Variants in FAT3 observed in about 807,000 individuals in gnomAD.
FAT3 encodes the protein FAT atypical cadherin 3, also known as protocadherin Fat 3.
Under a neutral mutation model 310.2 loss-of-function variants are expected in FAT3, and 95 were observed. The observed-to-expected ratio is 0.31, with a 90% CI of 0.26 to 0.36. The LOEUF (loss-of-function observed/expected upper bound fraction) is 0.36, where lower values mean the gene tolerates loss of function less well. Among genes scored for constraint, FAT3 ranks in the 10% least tolerant of loss-of-function variants. The pLI, the probability that FAT3 is intolerant of heterozygous loss-of-function variation, is 1.00. For missense variants in FAT3, 5,408 were observed against 5,715.6 expected (o/e 0.95, Z 1.74); for synonymous variants, 2,314 against 2,192.9 (o/e 1.06, Z -1.54).
At chr11:92,294,757 C>T (rs1337345892) in intron 1 of FAT3, among the ~76,000 whole-genome samples, 1 of 151,912 alleles carries the variant, frequency 6.6e-6, no homozygotes, top group African/African-American at 2.4e-5. Context: ...TCACTCCATC[C>T]CTCTTTTTCT....
At chr11:92,406,834 T>A (rs1457171992) in intron 2 of FAT3, 1 of 152,174 alleles carries the variant, frequency 6.6e-6, no homozygotes, top group Admixed American at 6.5e-5. Context: ...CCAAGGTGGA[T>A]CAGATAAAGG....
At chr11:92,725,484 C>A (rs1263717880) in intron 4 of FAT3, among the ~76,000 whole-genome samples, 1 of 152,064 alleles carries the variant, frequency 6.6e-6, no homozygotes, top group Non-Finnish European at 1.5e-5. Context: ...CATCCGCTTT[C>A]TATAAACACA....
At chr11:92,387,573 T>TTGTGAC (rs1469583986) in intron 2 of FAT3, among the ~76,000 whole-genome samples, 1 of 152,106 alleles carries the variant, frequency 6.6e-6, no homozygotes. Flanking sequence ...TAACCAGTGG[T>TTGTGAC]TGTGTCTGTG....
At chr11:92,721,785 C>T (rs1944866751) in intron 4 of FAT3, among the ~76,000 whole-genome samples, 1 of 152,162 alleles carries the variant, frequency 6.6e-6, no homozygotes, top group Non-Finnish European at 1.5e-5. Context: ...ACCTCACAAT[C>T]ATGGCAGAAG....
intron 2 of FAT3, among the ~76,000 whole-genome samples, chr11:92,499,670 T>G (rs765525379): frequency 2.6e-5 from 4 of 151,648 alleles, no homozygotes; most frequent in Non-Finnish European, 1.5e-5. Flanking sequence ...CAGTGTCATC[T>G]TGAGTCATCT....
intron 1 of FAT3, among the ~76,000 whole-genome samples, chr11:92,291,930 A>G (rs1946706119): frequency 6.6e-6 from 1 of 152,036 alleles, no homozygotes; most frequent in South Asian, 2.1e-4. Context: ...AAAATATTCA[A>G]TTATTTTTTT....
intron 2 of FAT3, among the ~76,000 whole-genome samples, chr11:92,450,100 A>G (rs543986888): frequency 1.3e-5 from 2 of 152,232 alleles, no homozygotes; most frequent in South Asian, 4.1e-4. Flanking sequence ...CCCTGCACCA[A>G]TCGGCTTTGA....
intron 15 of FAT3, 36 bp from the exon 16 acceptor site, chr11:92,836,530 C>T: frequency 6.2e-7 from 1 of 1,606,454 alleles, no homozygotes. Context: ...TGCCTTATGT[C>T]ATGTCTTTTC....
At position 92,553,691 on chromosome 11, in the gene FAT3, T is replaced by C. The variant is rs914167416; in HGVS notation, c.3607+28743T>C. 4.6e-3 allele frequency among the ~76,000 whole-genome samples: 267 copies of C among 57,862 alleles called. 2 individuals carry two copies. Among genetic ancestry groups the C allele is most frequent in the Middle Eastern group, 0.039 (3 of 76 alleles). The allele number at this position is 57,862 out of a possible 152,430, so 38.0% of individuals were successfully genotyped here. On this transcript the variant is annotated intron_variant, in intron 3 of 27. Transcript: ENST00000525166. ...AATCTCCGTCCCTTCCTTCCTTCCT[T>C]CCTTCCTTCCTTCCTTCCTTCCTTC...
chr11:92,566,189 C>G (rs1297094554), intron 3 of FAT3, among the ~76,000 whole-genome samples: 1 of 152,176 alleles, frequency 6.6e-6, no homozygotes, highest in Non-Finnish European at 1.5e-5. Context: ...TCAGCATAGT[C>G]TCAGGATACA....
In FAT3 at chr11:92,511,397, GCT is replaced by G. The variant is rs572289065; in HGVS notation, c.3293-13234_3293-13233del. 2.0e-3 allele frequency among the ~76,000 whole-genome samples: 302 copies of G among 151,714 alleles called. 1 individual carries two copies. Among genetic ancestry groups the G allele is most frequent in the African/African-American group, 7.1e-3 (292 of 41,386 alleles). ...TCTTCTTTTTTTTTTGTTTCCAAATGCTCTTATTCATAGGGGGAGCTTGTCTT... is the reference window on the plus strand; with the variant it reads ...TCTTCTTTTTTTTTTGTTTCCAAATGCTTATTCATAGGGGGAGCTTGTCTT... On this transcript the variant is annotated intron_variant, in intron 2 of 27. Transcript: ENST00000525166.
At chr11:92,815,572 C>CA (rs200492911) in intron 13 of FAT3, among the ~76,000 whole-genome samples, 1,977 of 149,366 alleles carry the variant, frequency 0.013, 42 homozygotes, top group African/African-American at 0.045. Context: ...GACTCCATCT[C>CA]AAAAAAAAAC....
At chr11:92,681,729 A>G (rs1943484883) in intron 3 of FAT3, among the ~76,000 whole-genome samples, 1 of 152,202 alleles carries the variant, frequency 6.6e-6, no homozygotes, top group African/African-American at 2.4e-5. Context: ...CCTTCAGCTA[A>G]TGGGACACCA....
At chr11:92,623,532 A>G (rs1412353164) in intron 3 of FAT3, among the ~76,000 whole-genome samples, 3 of 152,230 alleles carry the variant, frequency 2.0e-5, no homozygotes, top group Non-Finnish European at 1.5e-5. Context: ...TGTTGATGTT[A>G]TATGAAAGCA....
At chr11:92,658,463 C>G (rs896402301) in intron 3 of FAT3, among the ~76,000 whole-genome samples, 1 of 152,090 alleles carries the variant, frequency 6.6e-6, no homozygotes, top group Admixed American at 6.6e-5. Context: ...TGGGGTGAGG[C>G]AGGGTCTCAA....
At chr11:92,659,942 A>G (rs1942721348) in intron 3 of FAT3, among the ~76,000 whole-genome samples, 1 of 152,182 alleles carries the variant, frequency 6.6e-6, no homozygotes, top group Non-Finnish European at 1.5e-5. Flanking sequence ...AAAATGGCTG[A>G]AGCATCAGCC....
At chr11:92,370,493 A>T (rs866828795) in intron 2 of FAT3, among the ~76,000 whole-genome samples, 2 of 152,218 alleles carry the variant, frequency 1.3e-5, no homozygotes, top group African/African-American at 4.8e-5. Flanking sequence ...GGGTAGAGTT[A>T]GGTATTTCTT....
chr11:92,810,436 C>G (rs1947637403), intron 13 of FAT3, among the ~76,000 whole-genome samples: 1 of 152,084 alleles, frequency 6.6e-6, no homozygotes, highest in African/African-American at 2.4e-5. Context: ...AGTCAAAAGG[C>G]TATGTTGTGA....
chr11:92,473,867 A>C (rs1046963560), intron 2 of FAT3, among the ~76,000 whole-genome samples: 3 of 152,166 alleles, frequency 2.0e-5, no homozygotes, highest in African/African-American at 7.2e-5. Flanking sequence ...TTGGCACTTC[A>C]TGGGCCTTAT....
Sources: gnomAD v4.1 joint callset for allele counts (sites outside exome capture counted in the v4.1 genomes callset) on GRCh38, gnomAD v4.1.1 for gene constraint, MANE v1.5 for transcripts, NCBI Gene and HGNC (gene_info 2026-07-23, HGNC 2026-07-21) for gene names.